Variants in SULT1E1 observed in about 807,000 individuals in gnomAD.
The protein encoded by SULT1E1 is sulfotransferase 1E1.
Under a neutral mutation model 33.6 loss-of-function variants are expected in SULT1E1, and 36 were observed. The observed-to-expected ratio is 1.07, with a 90% CI of 0.82 to 1.41. The LOEUF (loss-of-function observed/expected upper bound fraction) is 1.41, where lower values mean the gene tolerates loss of function less well. Among genes scored for constraint, SULT1E1 ranks in the 40% most tolerant of loss-of-function variants. The pLI is 0.00. For missense variants in SULT1E1, 371 were observed against 345.7 expected (o/e 1.07, Z -0.58); for synonymous variants, 121 against 111.7 (o/e 1.08, Z -0.53).
In SULT1E1 at chr4:69,844,156, C is replaced by A; in HGVS notation, c.772+5G>T. 6.2e-7 allele frequency: 1 copy of A among 1,613,752 alleles called. No homozygotes were observed. On this transcript the variant is annotated splice_donor_5th_base_variant and intron_variant, in intron 7 of 7. Transcript: ENST00000226444. The stretch of plus-strand genomic sequence containing the variant: ...TAGTATCGAGGCAAACCACATTTTT[C>A]TCACCCTTTCTCATGAAGGGCGACA...
the SULT1E1 span, among the ~76,000 whole-genome samples, chr4:69,834,941 C>G: frequency 6.6e-6 from 1 of 152,074 alleles, no homozygotes; most frequent in African/African-American, 2.4e-5. Context: ...ACTGAATCTG[C>G]TGGTTACAAA....
intron 5 of SULT1E1, 54 bp from the exon 6 acceptor site, chr4:69,847,846 G>A (rs983374871): frequency 3.6e-5 from 36 of 1,002,066 alleles, no homozygotes; most frequent in Admixed American, 1.8e-4. Flanking sequence ...AAAACTGCTC[G>A]AAAACTAGTG....
At chr4:69,823,515 T>TA in the SULT1E1 span, among the ~76,000 whole-genome samples, 1 of 152,162 alleles carries the variant, frequency 6.6e-6, no homozygotes, top group Non-Finnish European at 1.5e-5. Flanking sequence ...TCTGCCTTTC[T>TA]ATTTCCTTTA....
chr4:69,842,871 C>T (rs1286128997), intron 7 of SULT1E1, among the ~76,000 whole-genome samples: 1 of 150,082 alleles, frequency 6.7e-6, no homozygotes, highest in Non-Finnish European at 1.5e-5. Context: ...GAGTCTCGCT[C>T]TGTCACCCAG....
downstream of SULT1E1, among the ~76,000 whole-genome samples, chr4:69,840,851 C>T (rs188567713): frequency 2.3e-4 from 35 of 152,150 alleles, 1 homozygote; most frequent in Middle Eastern, 0.024. Context: ...TCGAGACCAT[C>T]CTGGCTAACA....
intron 1 of SULT1E1, among the ~76,000 whole-genome samples, chr4:69,858,197 T>C (rs944124252): frequency 1.3e-5 from 2 of 152,148 alleles, no homozygotes; most frequent in African/African-American, 4.8e-5. Flanking sequence ...ATGAAATTAA[T>C]TACACTGTAA....
downstream of SULT1E1, among the ~76,000 whole-genome samples, chr4:69,839,463 GATTA>G (rs549181165): frequency 2.6e-4 from 39 of 152,168 alleles, no homozygotes; most frequent in Admixed American, 1.5e-3. Context: ...TATGAGGGCA[GATTA>G]ATTGAGTTTT....
chr4:69,839,133 T>G (rs1460036956), downstream of SULT1E1, among the ~76,000 whole-genome samples: 1 of 152,206 alleles, frequency 6.6e-6, no homozygotes, highest in African/African-American at 2.4e-5. Context: ...CACCCATAAG[T>G]GCTAACTGAG....
chr4:69,858,764 C>T (rs1021554702), intron 1 of SULT1E1, among the ~76,000 whole-genome samples: 3 of 152,142 alleles, frequency 2.0e-5, no homozygotes, highest in Non-Finnish European at 2.9e-5. Context: ...CCCAAGCCTT[C>T]TCCTTAGTCT....
chr4:69,840,773 G>A (rs1006253515), downstream of SULT1E1, among the ~76,000 whole-genome samples: 7 of 152,290 alleles, frequency 4.6e-5, no homozygotes, highest in Admixed American at 1.3e-4. Context: ...TGGGCCAGGC[G>A]CGGTGGCTCA....
the SULT1E1 span, among the ~76,000 whole-genome samples, chr4:69,830,747 T>C: frequency 6.6e-6 from 1 of 152,320 alleles, no homozygotes; most frequent in East Asian, 1.9e-4. Flanking sequence ...TATTAAACAG[T>C]GTCAGAAGAA....
rs537757789 is a variant in SULT1E1 at position 69,845,836 on chromosome 4, C to T, written c.592-1495G>A. Among the ~76,000 whole-genome samples, 308 of 151,094 alleles carry T rather than the reference C, an allele frequency of 2.0e-3. 1 individual carries two copies. Among genetic ancestry groups the T allele is most frequent in the Admixed American group, 6.3e-3 (95 of 15,182 alleles). On this transcript the variant is annotated intron_variant, in intron 6 of 7. Coordinates refer to ENST00000226444, the MANE Select transcript of SULT1E1 (RefSeq NM_005420.3). Reference sequence around the variant, plus strand: ...TGTCATTAATAGTCTAATTACAGAACACAGTATTGGATAATATAATAAACT... The same window carrying T: ...TGTCATTAATAGTCTAATTACAGAATACAGTATTGGATAATATAATAAACT...
intron 6 of SULT1E1, among the ~76,000 whole-genome samples, chr4:69,846,124 A>G (rs564344838): frequency 6.7e-6 from 1 of 150,202 alleles, no homozygotes; most frequent in African/African-American, 2.4e-5. Context: ...GAAACTCATT[A>G]TGTTTTCTAT....
At chr4:69,847,636 G>A (rs1438252029) in intron 6 of SULT1E1, 62 bp downstream of exon 6, 5 of 1,107,020 alleles carry the variant, frequency 4.5e-6, no homozygotes, top group South Asian at 3.0e-5. Flanking sequence ...TGTATCCAGA[G>A]TATTTTCAAA....
At chr4:69,845,709 A>G (rs1272713647) in intron 6 of SULT1E1, among the ~76,000 whole-genome samples, 1 of 151,492 alleles carries the variant, frequency 6.6e-6, no homozygotes, top group African/African-American at 2.4e-5. Context: ...AAACATGGCT[A>G]TTATTGACCA....
chr4:69,851,577 G>T (rs574630148), intron 4 of SULT1E1, among the ~76,000 whole-genome samples: 7 of 152,202 alleles, frequency 4.6e-5, no homozygotes, highest in African/African-American at 1.7e-4. Context: ...GATCCCTCAG[G>T]GATCTAGAAC....
the SULT1E1 span, among the ~76,000 whole-genome samples, chr4:69,829,452 C>T: frequency 3.9e-5 from 6 of 152,194 alleles, no homozygotes; most frequent in South Asian, 4.2e-4. Flanking sequence ...ACTTTCAGCC[C>T]GAACTCTGGG....
chr4:69,840,306 G>T (rs1203603835), downstream of SULT1E1, among the ~76,000 whole-genome samples: 2 of 152,056 alleles, frequency 1.3e-5, no homozygotes, highest in East Asian at 3.9e-4. Flanking sequence ...TAAATCATCT[G>T]GATTTCTCCC....
chr4:69,840,629 A>G (rs561964686), downstream of SULT1E1, among the ~76,000 whole-genome samples: 24 of 152,348 alleles, frequency 1.6e-4, no homozygotes, highest in African/African-American at 5.8e-4. Context: ...TAAATATTTC[A>G]AACTAGCTGA....
Sources: gnomAD v4.1 joint callset for allele counts (sites outside exome capture counted in the v4.1 genomes callset) on GRCh38, gnomAD v4.1.1 for gene constraint, MANE v1.5 for transcripts, NCBI Gene and HGNC (gene_info 2026-07-23, HGNC 2026-07-21) for gene names.